The following TRIO variants were observed in gnomAD, a reference collection of about 807,000 sequenced individuals.
TRIO encodes the protein triple functional domain protein.
Under a neutral mutation model 351.9 loss-of-function variants are expected in TRIO, and 58 were observed. The ratio of observed to expected loss-of-function variants is 0.16; its 90% CI spans 0.13 to 0.21. The LOEUF is 0.21. TRIO is among the 10% of genes least tolerant of loss of function. The pLI is 1.00. For synonymous variants in TRIO, 1,758 were observed against 1,595.7 expected (o/e 1.10, Z -2.42); for missense variants, 3,201 against 4,027.8 (o/e 0.79, Z 5.56).
chr5:14,433,770 C>T (rs754080867), intron 34 of TRIO, among the ~76,000 whole-genome samples: 18 of 152,186 alleles, frequency 1.2e-4, no homozygotes, highest in Non-Finnish European at 2.5e-4. Context: ...ATCATTATAT[C>T]ATTCAAGATC....
chr5:14,303,753 G>A (rs1738126392), intron 7 of TRIO, among the ~76,000 whole-genome samples: 1 of 152,180 alleles, frequency 6.6e-6, no homozygotes, highest in Non-Finnish European at 1.5e-5. Flanking sequence ...GCAGCCTCAG[G>A]GCTGTTCGCA....
chr5:14,300,814 A>G (rs1361643823), intron 7 of TRIO, among the ~76,000 whole-genome samples: 3 of 152,304 alleles, frequency 2.0e-5, no homozygotes, highest in East Asian at 3.9e-4. Context: ...ACTGTTTCAC[A>G]CTTGCATTAA....
intron 11 of TRIO, 24 bp downstream of exon 11, chr5:14,336,751 A>G: frequency 6.2e-7 from 1 of 1,613,058 alleles, no homozygotes; most frequent in South Asian, 1.1e-5. Flanking sequence ...AGACCAAAAT[A>G]TGATCTGTGC....
At chr5:14,434,908 C>A (rs1305458934) in intron 34 of TRIO, among the ~76,000 whole-genome samples, 1 of 152,190 alleles carries the variant, frequency 6.6e-6, no homozygotes, top group African/African-American at 2.4e-5. Flanking sequence ...TAAGATGCCT[C>A]CCAATTTGAG....
intron 49 of TRIO, among the ~76,000 whole-genome samples, chr5:14,496,286 A>G (rs986352115): frequency 1.3e-5 from 2 of 152,210 alleles, no homozygotes; most frequent in African/African-American, 2.4e-5. Context: ...TCTAAAAGGT[A>G]TGCCTGTCTA....
chr5:14,362,415 C>A (rs1744229262), intron 13 of TRIO, among the ~76,000 whole-genome samples: 1 of 152,150 alleles, frequency 6.6e-6, no homozygotes, highest in East Asian at 1.9e-4. Flanking sequence ...GTGGGTGCCT[C>A]AATTAGGAGG....
chr5:14,312,812 C>A (rs1033649413), intron 8 of TRIO, among the ~76,000 whole-genome samples: 1 of 152,152 alleles, frequency 6.6e-6, no homozygotes, highest in African/African-American at 2.4e-5. Flanking sequence ...ATAGTCTCTT[C>A]TTTCATTAAT....
In TRIO at chr5:14,487,874, G is replaced by C; in HGVS notation, c.7246G>C (p.Glu2416Gln). 6.5e-7 allele frequency: 1 copy of C among 1,539,914 alleles called. No individual in the cohort carries two copies. Among genetic ancestry groups the C allele is most frequent in the South Asian group, 1.2e-5 (1 of 83,312 alleles). The change falls in exon 48 of 57, where the codon GAG becomes CAG. Residue 2416 changes from glutamate (E) to glutamine (Q), a missense_variant. Physicochemically the swap from Glu to Gln is conservative, Grantham distance 29. This residue lies in a region of TRIO where 1,089 missense variants were observed against 954.9 expected (regional missense o/e 1.14). Transcript: ENST00000344204. ...AEPIPKMKVL[E>Q]SPRKGAANAS... ...GCCGATCCCCAAGATGAAGGTGCTG[G>C]AGAGCCCCAGGAAAGGCGCCGCGAA...
chr5:14,271,840 A>G (rs567571414), intron 2 of TRIO, among the ~76,000 whole-genome samples: 5 of 152,208 alleles, frequency 3.3e-5, no homozygotes, highest in East Asian at 1.9e-4. Flanking sequence ...TCCTTTGGAC[A>G]TGTGATACTG....
At chr5:14,202,633 G>A (rs1791209578) in intron 1 of TRIO, among the ~76,000 whole-genome samples, 3 of 150,734 alleles carry the variant, frequency 2.0e-5, no homozygotes, top group Non-Finnish European at 2.9e-5. Flanking sequence ...TACTGTTCTC[G>A]TGGTTGTGAA....
chr5:14,411,402 C>T (rs566548156), intron 33 of TRIO, among the ~76,000 whole-genome samples: 18 of 152,204 alleles, frequency 1.2e-4, no homozygotes, highest in African/African-American at 3.9e-4. Flanking sequence ...ATGGCCGAGG[C>T]GAGATGAGGT....
At chr5:14,220,138 C>G (rs985571822) in intron 1 of TRIO, among the ~76,000 whole-genome samples, 2 of 151,372 alleles carry the variant, frequency 1.3e-5, no homozygotes, top group Non-Finnish European at 2.9e-5. Context: ...ACAGCATGTC[C>G]TTGCTTTGTA....
chr5:14,481,430 C>T (rs1755505897), intron 44 of TRIO, 111 bp from the exon 45 acceptor site: 1 of 1,487,060 alleles, frequency 6.7e-7, no homozygotes, highest in Non-Finnish European at 9.3e-7. Flanking sequence ...ATAAGCCCTG[C>T]ACACTAGAGG....
At chr5:14,174,862 A>G (rs888058485) in intron 1 of TRIO, among the ~76,000 whole-genome samples, 2 of 152,220 alleles carry the variant, frequency 1.3e-5, no homozygotes, top group African/African-American at 4.8e-5. Flanking sequence ...ATGTAGTTCT[A>G]GCAGTATCTG....
At chr5:14,266,791 C>G (rs1227019561) in intron 1 of TRIO, among the ~76,000 whole-genome samples, 1 of 152,178 alleles carries the variant, frequency 6.6e-6, no homozygotes, top group Non-Finnish European at 1.5e-5. Flanking sequence ...TAACCTAAGC[C>G]TGTTTTCCTC....
chr5:14,236,679 A>G (rs1793785593), intron 1 of TRIO, among the ~76,000 whole-genome samples: 1 of 152,236 alleles, frequency 6.6e-6, no homozygotes, highest in South Asian at 2.1e-4. Context: ...AACATTTCCA[A>G]ATAACCTGTT....
intron 1 of TRIO, among the ~76,000 whole-genome samples, chr5:14,202,613 G>A (rs1392192530): frequency 1.3e-5 from 2 of 150,942 alleles, no homozygotes; most frequent in African/African-American, 2.4e-5. Context: ...CTTCAGGGTG[G>A]TTTACCCCAT....
At position 14,488,230 on chromosome 5, in the gene TRIO, G is replaced by A. The variant is rs1281869070; in HGVS notation, c.7602G>A (p.Glu2534=). ...TGAGCACGTGCTCCTCGGCCAGCGA[G>A]CAGTCCGTGCAGTCCACCCAGAGCA... The part of the protein sequence containing the change: ...DRMSTCSSAS[E]QSVQSTQSNG... The change falls in exon 48 of 57, where the codon GAG becomes GAA. Residue 2534 remains glutamate, a synonymous_variant. Coordinates refer to ENST00000344204, the MANE Select transcript of TRIO (RefSeq NM_007118.4). 2 of 1,583,220 alleles carry A rather than the reference G, an allele frequency of 1.3e-6. No individual in the cohort carries two copies. The highest frequency in any genetic ancestry group is 1.7e-6 in the Non-Finnish European group (2 of 1,172,250).
intron 11 of TRIO, among the ~76,000 whole-genome samples, chr5:14,349,629 A>G (rs556065893): frequency 2.6e-5 from 4 of 152,330 alleles, no homozygotes; most frequent in African/African-American, 4.8e-5. Flanking sequence ...GAAGAAGCCA[A>G]TCCTGTTTTC....
Sources: gnomAD v4.1 joint callset for allele counts (sites outside exome capture counted in the v4.1 genomes callset) on GRCh38, gnomAD v4.1.1 for gene constraint, gnomAD v4.1.1 regional missense constraint, MANE v1.5 for transcripts, NCBI Gene and HGNC (gene_info 2026-07-23, HGNC 2026-07-21) for gene names.